The following DOCK10 variants were observed in gnomAD, a reference collection of about 807,000 sequenced individuals.
DOCK10 encodes dedicator of cytokinesis 10.
A neutral mutation model predicts 280.1 loss-of-function variants in DOCK10; 145 were observed. That is an observed-to-expected ratio of 0.52 (90% CI 0.45 to 0.59). The LOEUF (loss-of-function observed/expected upper bound fraction) is 0.59, where lower values mean the gene tolerates loss of function less well. Ranked by LOEUF, DOCK10 falls within the 20% of genes least tolerant of loss-of-function variation. DOCK10 has a pLI of 0.00. For synonymous variants in DOCK10, 915 were observed against 942.2 expected (o/e 0.97, Z 0.53); for missense variants, 2,368 against 2,651.7 (o/e 0.89, Z 2.35).
At chr2:225,003,321 G>T (rs867853644) in intron 1 of DOCK10, among the ~76,000 whole-genome samples, 1 of 152,188 alleles carries the variant, frequency 6.6e-6, no homozygotes, top group Non-Finnish European at 1.5e-5. Context: ...TGGGATTACA[G>T]GTGTAAGCCA....
chr2:224,930,543 T>C (rs1199253801), intron 2 of DOCK10, among the ~76,000 whole-genome samples: 1 of 151,148 alleles, frequency 6.6e-6, no homozygotes, highest in Non-Finnish European at 1.5e-5. Context: ...CCATATACCT[T>C]CTTTTTCATG....
chr2:224,859,677 G>C lies in DOCK10; in HGVS notation c.1686-2695C>G, dbSNP rs575755630. On this transcript the variant is annotated intron_variant, in intron 14 of 55. Transcript: ENST00000258390. ...TGTCAGTTCTACTCTTCTAATGACA[G>C]TTGATTGTAAGGGCCAACATGTCTT... Among the ~76,000 whole-genome samples the C allele has an allele frequency of 1.1e-4, 16 of 152,330 alleles. No individual in the cohort carries two copies. In the South Asian group the frequency reaches 2.7e-3, roughly 26 times the overall value.
chr2:224,849,456 T>C, intron 19 of DOCK10, 51 bp downstream of exon 19: 2 of 1,339,670 alleles, frequency 1.5e-6, no homozygotes, highest in Non-Finnish European at 2.1e-6. Flanking sequence ...ATCTGAACAT[T>C]TACCCACCTT....
intron 27 of DOCK10, among the ~76,000 whole-genome samples, chr2:224,824,581 C>T (rs979750622): frequency 1.3e-5 from 2 of 151,608 alleles, no homozygotes; most frequent in African/African-American, 2.4e-5. Flanking sequence ...GGACTACAGG[C>T]GCCCTCCTGT....
intron 1 of DOCK10, among the ~76,000 whole-genome samples, chr2:224,995,293 C>T (rs942194477): frequency 6.6e-6 from 1 of 152,194 alleles, no homozygotes; most frequent in Non-Finnish European, 1.5e-5. Flanking sequence ...AGGAACTACA[C>T]AGGGCATGAG....
At chr2:224,992,249 T>C (rs981302168) in intron 1 of DOCK10, among the ~76,000 whole-genome samples, 5 of 152,264 alleles carry the variant, frequency 3.3e-5, no homozygotes, top group African/African-American at 1.2e-4. Context: ...TCCCTTTGAA[T>C]TGTGGCAGGA....
chr2:224,769,997 G>C (rs1479780009), intron 55 of DOCK10, among the ~76,000 whole-genome samples: 1 of 152,192 alleles, frequency 6.6e-6, no homozygotes, highest in Non-Finnish European at 1.5e-5. Flanking sequence ...AAAGTATCTA[G>C]GTTCTCATAA....
At chr2:224,820,210 A>AC (rs762194046) in intron 28 of DOCK10, among the ~76,000 whole-genome samples, 158 of 152,320 alleles carry the variant, frequency 1.0e-3, no homozygotes, top group Non-Finnish European at 2.0e-3. Flanking sequence ...GCTGCTTACT[A>AC]CCTTTCTTAT....
chr2:224,902,067 A>C (rs996557542), intron 3 of DOCK10, among the ~76,000 whole-genome samples: 1 of 152,226 alleles, frequency 6.6e-6, no homozygotes, highest in Admixed American at 6.5e-5. Flanking sequence ...TGAGTGGGCT[A>C]TTATAAAGAA....
chr2:224,831,515 T>A (rs1410799870), intron 26 of DOCK10, among the ~76,000 whole-genome samples: 2 of 148,600 alleles, frequency 1.3e-5, no homozygotes, highest in East Asian at 3.9e-4. Flanking sequence ...CTGGTGCGCA[T>A]GTGTTAAATA....
chr2:224,983,396 TGG>T, intron 1 of DOCK10: 1 of 179,060 alleles, frequency 5.6e-6, no homozygotes, highest in South Asian at 1.2e-4. Flanking sequence ...AAATATCTCA[TGG>T]AAAATAGATT....
At chr2:225,008,026 T>A (rs1689324128) in intron 1 of DOCK10, among the ~76,000 whole-genome samples, 1 of 152,056 alleles carries the variant, frequency 6.6e-6, no homozygotes, top group Admixed American at 6.6e-5. Flanking sequence ...TCCAATATGC[T>A]CAAATGTCAC....
chr2:224,843,501 A>G (rs549009209), intron 22 of DOCK10, among the ~76,000 whole-genome samples: 2 of 152,304 alleles, frequency 1.3e-5, no homozygotes, highest in Non-Finnish European at 2.9e-5. Context: ...GGTTTAAATC[A>G]TTGTGGGTGC....
At chr2:224,792,765 T>G (rs1194071853) in intron 47 of DOCK10, among the ~76,000 whole-genome samples, 3 of 152,238 alleles carry the variant, frequency 2.0e-5, no homozygotes, top group Non-Finnish European at 2.9e-5. Context: ...CAGTTCTATT[T>G]GCTGACAACT....
chr2:225,007,009 T>C (rs1441277010), intron 1 of DOCK10, among the ~76,000 whole-genome samples: 3 of 152,206 alleles, frequency 2.0e-5, no homozygotes, highest in African/African-American at 7.2e-5. Context: ...CATAAATGTG[T>C]CACAAAATGT....
At position 224,807,967 on chromosome 2, in the gene DOCK10, C is replaced by A. The variant is rs1693510848; in HGVS notation, c.3529G>T (p.Ala1177Ser). 6.2e-7 allele frequency: 1 copy of A among 1,612,948 alleles called. No homozygotes were observed. The highest frequency in any genetic ancestry group is 8.5e-7 in the Non-Finnish European group (1 of 1,179,400). ...TTAGCCATTAGATTTTTTAGGACAG[C>A]TAAAGCTAAGTGTCTGACATCTTGG... The part of the protein sequence containing the change: ...EDQDVRHLAL[A>S]VLKNLMAKHS... The change falls in exon 32 of 56, where the codon GCT (alanine) becomes TCT (serine). Residue 1177 changes from alanine to serine, a missense_variant. Physicochemically the swap from Ala to Ser is moderately conservative, Grantham distance 99. This residue lies in a region of DOCK10 where 1,159 missense variants were observed against 1,400.8 expected (regional missense o/e 0.83). Transcript: ENST00000258390.
intron 14 of DOCK10, among the ~76,000 whole-genome samples, chr2:224,858,238 T>A (rs1276680875): frequency 1.3e-5 from 2 of 152,222 alleles, no homozygotes; most frequent in African/African-American, 4.8e-5. Context: ...CGATTTGCCC[T>A]TATCCACAAC....
intron 39 of DOCK10, among the ~76,000 whole-genome samples, chr2:224,802,359 C>T (rs1436389155): frequency 6.6e-6 from 1 of 152,102 alleles, no homozygotes; most frequent in African/African-American, 2.4e-5. Flanking sequence ...TGGCTACTGG[C>T]TGATCAGGAA....
intron 3 of DOCK10, among the ~76,000 whole-genome samples, chr2:224,898,586 C>CT (rs1014050637): frequency 8.6e-5 from 13 of 151,784 alleles, no homozygotes; most frequent in South Asian, 2.1e-4. Context: ...AAAATTGAGC[C>CT]TTTTTTTTGA....
Sources: allele counts gnomAD v4.1 joint callset (sites outside exome capture counted in the v4.1 genomes callset), GRCh38; gene constraint gnomAD v4.1.1; regional missense constraint gnomAD v4.1.1; transcripts MANE v1.5; gene names NCBI Gene and HGNC (gene_info 2026-07-23, HGNC 2026-07-21).